The following GPC5 variants were observed in gnomAD, a reference collection of about 807,000 sequenced individuals.
GPC5 encodes glypican-5.
Under a neutral mutation model 53.9 loss-of-function variants are expected in GPC5, and 47 were observed. That is an observed-to-expected ratio of 0.87 (90% CI 0.69 to 1.11). The LOEUF is 1.11. GPC5 is among the 50% of genes most tolerant of loss of function. The pLI is 0.00. For missense variants in GPC5, 748 were observed against 713.1 expected (o/e 1.05, Z -0.56); for synonymous variants, 286 against 263.3 (o/e 1.09, Z -0.84).
At chr13:91,915,554 C>T (rs561811071) in intron 6 of GPC5, among the ~76,000 whole-genome samples, 3 of 152,152 alleles carry the variant, frequency 2.0e-5, no homozygotes, top group Admixed American at 2.0e-4. Context: ...TACATGTTAT[C>T]ATTTCCATTA....
At chr13:91,690,992 G>A (rs947173580) in intron 2 of GPC5, among the ~76,000 whole-genome samples, 6 of 152,062 alleles carry the variant, frequency 3.9e-5, no homozygotes, top group South Asian at 2.1e-4. Context: ...GACCCACTTC[G>A]CGGTTCTTAG....
chr13:92,858,712 ACTGT>A (rs1879087064), intron 7 of GPC5, among the ~76,000 whole-genome samples: 1 of 152,122 alleles, frequency 6.6e-6, no homozygotes, highest in Non-Finnish European at 1.5e-5. Flanking sequence ...TACAATGTTC[ACTGT>A]CTGGGTGATG....
At chr13:92,061,234 A>G (rs536254283) in intron 6 of GPC5, among the ~76,000 whole-genome samples, 79 of 152,188 alleles carry the variant, frequency 5.2e-4, no homozygotes, top group African/African-American at 1.9e-3. Flanking sequence ...TAGGTTGCAT[A>G]ATAATAATCA....
chr13:92,380,614 A>G (rs2043730717), intron 7 of GPC5, among the ~76,000 whole-genome samples: 1 of 152,052 alleles, frequency 6.6e-6, no homozygotes, highest in South Asian at 2.1e-4. Flanking sequence ...ATAAAAAATG[A>G]TGAGTTCATG....
intron 7 of GPC5, among the ~76,000 whole-genome samples, chr13:92,794,911 C>T (rs1279720279): frequency 6.6e-6 from 1 of 152,144 alleles, no homozygotes; most frequent in East Asian, 1.9e-4. Context: ...AAGAACATTA[C>T]ATGCTCACGT....
At chr13:92,368,558 C>T (rs1472981280) in intron 7 of GPC5, among the ~76,000 whole-genome samples, 2 of 142,528 alleles carry the variant, frequency 1.4e-5, no homozygotes, top group African/African-American at 5.2e-5. Context: ...GCAGGAGAAT[C>T]GCTTGAACCT....
Position 92,493,299 on chromosome 13 carries a change from G to C in GPC5, c.1561+348310G>C. On this transcript the variant is annotated intron_variant, in intron 7 of 7. Transcript: ENST00000377067. ...ACATTGACAGGAACAATCATATTCG[G>C]AGAAATTAGAAGATATCACTTGTAT... is the stretch of plus-strand genomic sequence containing the variant. Among the ~76,000 whole-genome samples the C allele has an allele frequency of 1.3e-5, 2 of 152,264 alleles. 1 individual carries two copies. The highest frequency in any genetic ancestry group is 2.9e-5 in the Non-Finnish European group (2 of 68,012).
At chr13:92,758,581 G>A (rs980867242) in intron 7 of GPC5, among the ~76,000 whole-genome samples, 1 of 152,132 alleles carries the variant, frequency 6.6e-6, no homozygotes, top group Admixed American at 6.5e-5. Flanking sequence ...TCTGAACATA[G>A]AGTGGCCATT....
intron 7 of GPC5, among the ~76,000 whole-genome samples, chr13:92,183,410 T>C (rs561158563): frequency 2.0e-5 from 3 of 152,294 alleles, no homozygotes; most frequent in African/African-American, 7.2e-5. Flanking sequence ...CACCATTTAT[T>C]AATCCACTAT....
At chr13:92,843,815 T>C (rs1878511438) in intron 7 of GPC5, among the ~76,000 whole-genome samples, 1 of 152,092 alleles carries the variant, frequency 6.6e-6, no homozygotes, top group African/African-American at 2.4e-5. Flanking sequence ...ACACAGCTGA[T>C]GTAACTGTGT....
chr13:92,314,338 A>G (rs1224210829), intron 7 of GPC5, among the ~76,000 whole-genome samples: 2 of 152,172 alleles, frequency 1.3e-5, no homozygotes, highest in Admixed American at 1.3e-4. Flanking sequence ...TCAACTACAG[A>G]AATAACTGTA....
intron 2 of GPC5, among the ~76,000 whole-genome samples, chr13:91,550,775 T>C (rs2030590648): frequency 6.6e-6 from 1 of 152,098 alleles, no homozygotes; most frequent in South Asian, 2.1e-4. Context: ...CAGAGGGAGA[T>C]AATTGACTCA....
chr13:91,476,761 C>T (rs1029718384), intron 2 of GPC5, among the ~76,000 whole-genome samples: 9 of 152,076 alleles, frequency 5.9e-5, no homozygotes, highest in African/African-American at 2.2e-4. Flanking sequence ...GGTAATTAAC[C>T]AGATGAAGGA....
At chr13:92,741,155 C>T (rs542254788) in intron 7 of GPC5, among the ~76,000 whole-genome samples, 4 of 150,366 alleles carry the variant, frequency 2.7e-5, no homozygotes, top group Non-Finnish European at 5.9e-5. Flanking sequence ...ATTGAAAGGC[C>T]TTTAAGGGGT....
chr13:92,564,080 G>T (rs1379703001), intron 7 of GPC5, among the ~76,000 whole-genome samples: 3 of 151,916 alleles, frequency 2.0e-5, no homozygotes, highest in Admixed American at 6.6e-5. Flanking sequence ...TATATAGAGA[G>T]AAATAATTCA....
chr13:91,845,382 T>A (rs1349825828), intron 5 of GPC5, among the ~76,000 whole-genome samples: 1 of 152,168 alleles, frequency 6.6e-6, no homozygotes, highest in Non-Finnish European at 1.5e-5. Context: ...AGTGTACTGC[T>A]TAATGGCTTG....
chr13:92,441,994 A>T (rs1200985204), intron 7 of GPC5, among the ~76,000 whole-genome samples: 1 of 152,226 alleles, frequency 6.6e-6, no homozygotes, highest in Non-Finnish European at 1.5e-5. Context: ...CTTGAATTTA[A>T]TATGCATTAT....
At chr13:91,743,502 A>C (rs1185713404) in intron 4 of GPC5, among the ~76,000 whole-genome samples, 1 of 152,150 alleles carries the variant, frequency 6.6e-6, no homozygotes, top group African/African-American at 2.4e-5. Context: ...GAACCTTTTC[A>C]ACATTTAAAA....
intron 3 of GPC5, among the ~76,000 whole-genome samples, chr13:91,698,582 G>A (rs973008242): frequency 7.2e-5 from 11 of 152,100 alleles, no homozygotes; most frequent in African/African-American, 2.7e-4. Context: ...CTACAATATG[G>A]ATGTATGTGA....
Sources: allele counts gnomAD v4.1 joint callset (sites outside exome capture counted in the v4.1 genomes callset), GRCh38; gene constraint gnomAD v4.1.1; transcripts MANE v1.5; gene names NCBI Gene and HGNC (gene_info 2026-07-23, HGNC 2026-07-21).